The following OS9 variants were observed in gnomAD, a reference collection of about 807,000 sequenced individuals.
The protein encoded by OS9 is OS9 endoplasmic reticulum lectin.
A neutral mutation model predicts 84.7 loss-of-function variants in OS9; 58 were observed. The observed-to-expected ratio is 0.68, with a 90% CI of 0.55 to 0.85. The LOEUF is 0.85. Among genes scored for constraint, OS9 ranks in the 40% least tolerant of loss-of-function variants. The pLI is 0.00. For synonymous variants in OS9, 278 were observed against 320.8 expected, an observed-to-expected ratio of 0.87 and a Z score of 1.43; for missense variants, 760 against 850.9, an observed-to-expected ratio of 0.89 and a Z score of 1.33.
At chr12:57,697,924 T>TACACAC (rs61407014) in intron 5 of OS9, among the ~76,000 whole-genome samples, 4,496 of 91,356 alleles carry the variant, frequency 0.049, 129 homozygotes, top group Admixed American at 0.077. Flanking sequence ...CACACACACA[T>TACACAC]ACACACACAC....
At chr12:57,714,837 T>TCC (rs1188298959) in intron 5 of OS9, among the ~76,000 whole-genome samples, 6 of 152,018 alleles carry the variant, frequency 3.9e-5, no homozygotes, top group Non-Finnish European at 8.8e-5. Context: ...CATCAAGCCA[T>TCC]CCTCCTGCCT....
intron 5 of OS9, among the ~76,000 whole-genome samples, chr12:57,706,798 G>A (rs1370639503): frequency 7.8e-6 from 1 of 128,500 alleles, no homozygotes; most frequent in Admixed American, 9.9e-5. Context: ...GTTAGGAGCT[G>A]TTATCACGCC....
In OS9 at chr12:57,718,377, G is replaced by A. The variant is rs1328409840; in HGVS notation, c.1366G>A (p.Val456Met). ...AGACCGAGACCGGCTCCGTTCGGAG[G>A]TGAAGGCTGGCATGGAGCGGGAACT... ...PSDRDRLRSE[V>M]KAGMERELEN... Residue 456 changes from valine to methionine, a missense_variant, in exon 11 of 15, where the codon GTG becomes ATG. By Grantham distance (21) the Val-to-Met change is conservative (BLOSUM62 1). Transcript: ENST00000315970. The A allele has an allele frequency of 1.9e-6, 3 of 1,614,178 alleles. No homozygotes were observed. The South Asian group carries it at 3.3e-5, about 18-fold the overall frequency.
intron 5 of OS9, 122 bp downstream of exon 5, chr12:57,696,495 A>C: frequency 1.7e-6 from 1 of 579,064 alleles, no homozygotes; most frequent in Non-Finnish European, 3.0e-6. Context: ...CCTAAATCCA[A>C]AGTTTAAAAC....
chr12:57,697,593 T>A (rs965492003), intron 5 of OS9, among the ~76,000 whole-genome samples: 1 of 152,160 alleles, frequency 6.6e-6, no homozygotes, highest in Non-Finnish European at 1.5e-5. Flanking sequence ...GTTTTGGATA[T>A]TGAAGGTTGA....
intron 5 of OS9, among the ~76,000 whole-genome samples, chr12:57,704,875 G>C (rs929295135): frequency 2.0e-5 from 3 of 151,932 alleles, no homozygotes; most frequent in Non-Finnish European, 4.4e-5. Flanking sequence ...TAAAAAAGTA[G>C]AAAAGTGTGA....
intron 5 of OS9, among the ~76,000 whole-genome samples, chr12:57,706,865 A>AC (rs1239281226): frequency 6.9e-6 from 1 of 145,068 alleles, no homozygotes; most frequent in Admixed American, 6.7e-5. Flanking sequence ...AAAAAAAAAA[A>AC]AAAAGTTTAG....
chr12:57,706,560 G>A (rs1954172552), intron 5 of OS9, among the ~76,000 whole-genome samples: 1 of 152,074 alleles, frequency 6.6e-6, no homozygotes, highest in South Asian at 2.1e-4. Flanking sequence ...ATTCTTCAAA[G>A]GTTAGGTAGG....
chr12:57,704,849 G>A (rs2140306551), intron 5 of OS9, among the ~76,000 whole-genome samples: 1 of 151,458 alleles, frequency 6.6e-6, no homozygotes. Context: ...CTATTCATCT[G>A]TTTTTTTCAG....
chr12:57,720,289 C>T (rs1174024182), intron 13 of OS9, 26 bp downstream of exon 13: 1 of 1,613,118 alleles, frequency 6.2e-7, no homozygotes, highest in Non-Finnish European at 8.5e-7. Flanking sequence ...CGGCTGGACC[C>T]AGTGCTGTCG....
At chr12:57,706,166 T>C (rs929741798) in intron 5 of OS9, among the ~76,000 whole-genome samples, 1 of 152,228 alleles carries the variant, frequency 6.6e-6, no homozygotes, top group African/African-American at 2.4e-5. Context: ...TTATCAGGTA[T>C]GTGAAGTTCC....
chr12:57,703,796 C>T (rs1256947366), intron 5 of OS9, among the ~76,000 whole-genome samples: 1 of 151,750 alleles, frequency 6.6e-6, no homozygotes, highest in Non-Finnish European at 1.5e-5. Context: ...CCATTGGATG[C>T]CTTTCATTTC....
intron 11 of OS9, among the ~76,000 whole-genome samples, 174 bp from the exon 12 acceptor site, chr12:57,718,819 C>G (rs1356418719): frequency 6.6e-6 from 1 of 151,262 alleles, no homozygotes; most frequent in African/African-American, 2.5e-5. Flanking sequence ...GCAAGAGAAT[C>G]GCTCGAACCC....
intron 2 of OS9, chr12:57,695,511 G>A (rs184885021): frequency 1.5e-6 from 1 of 656,352 alleles, no homozygotes; most frequent in East Asian, 3.1e-5. Context: ...CTTTATGGAG[G>A]GCAAATAAGG....
In OS9 at chr12:57,697,627, T is replaced by C. The variant is rs117988392; in HGVS notation, c.579+1254T>C. 4.8e-3 allele frequency among the ~76,000 whole-genome samples: 725 copies of C among 152,300 alleles called. 2 individuals are homozygous for C. Among genetic ancestry groups the C allele is most frequent in the Middle Eastern group, 0.014 (4 of 294 alleles). On this transcript the variant is annotated intron_variant, in intron 5 of 14. Transcript: ENST00000315970. ...GAGGTGCCTTTAGACATCCTAGTGG[T>C]GATGTCCAGTTGACAGTTGGCTCTG...
intron 5 of OS9, among the ~76,000 whole-genome samples, chr12:57,711,881 GA>G (rs1487313094): frequency 1.3e-5 from 2 of 152,164 alleles, no homozygotes; most frequent in Non-Finnish European, 2.9e-5. Context: ...TTGAGCCCAG[GA>G]GTTTGAGACC....
At chr12:57,707,980 C>G (rs1243673712) in intron 5 of OS9, among the ~76,000 whole-genome samples, 1 of 151,584 alleles carries the variant, frequency 6.6e-6, no homozygotes, top group African/African-American at 2.4e-5. Context: ...GTGGTCCCAG[C>G]TACTTGGGAG....
Position 57,721,024 on chromosome 12 carries a change from G to A in OS9, c.*115G>A. On this transcript the variant is annotated 3_prime_UTR_variant, in exon 15 of 15. Transcript: ENST00000315970. ...GGGCCAAACAGCAGAGTGGAGCTGA[G>A]CTGTGGACCTCTCGGGCAACTCTGT... 8.0e-7 allele frequency: 1 copy of A among 1,244,490 alleles called. No individual in the cohort carries two copies. The allele number at this position is 1,244,490 out of a possible 1,614,324, so 77.1% of individuals were successfully genotyped here. A position where few individuals can be genotyped will look rare whatever the true frequency, so the allele number is the denominator to read the frequency against.
At position 57,721,338 on chromosome 12, in the gene OS9, A is replaced by C; in HGVS notation, c.*429A>C. On this transcript the variant is annotated 3_prime_UTR_variant, in exon 15 of 15. Transcript: ENST00000315970. ...CCTTAGTGATGTTTGGAGTCGTTTT[A>C]CCCTCTTCTATTGAATTGCCTTGGG... The C allele has an allele frequency of 5.8e-6, 1 of 172,098 alleles. No homozygotes were observed. The highest frequency in any genetic ancestry group is 1.2e-5 in the Non-Finnish European group (1 of 80,018). 10.7% of individuals were successfully genotyped at this position (172,098 alleles called of 1,614,324 possible). A position where few individuals can be genotyped will look rare whatever the true frequency, so the allele number is the denominator to read the frequency against.
Sources: gnomAD v4.1 joint callset for allele counts (sites outside exome capture counted in the v4.1 genomes callset) on GRCh38, gnomAD v4.1.1 for gene constraint, MANE v1.5 for transcripts, NCBI Gene and HGNC (gene_info 2026-07-23, HGNC 2026-07-21) for gene names.